ZNF831: variants seen among roughly 807,000 people sequenced by gnomAD.
ZNF831 encodes the protein chromosome 20 open reading frame 174.
ZNF831 carries 59 observed loss-of-function variants against 95.8 expected under a neutral mutation model. The observed-to-expected ratio is 0.62, with a 90% CI of 0.50 to 0.77. The LOEUF (loss-of-function observed/expected upper bound fraction) is 0.77, where lower values mean the gene tolerates loss of function less well. Among genes scored for constraint, ZNF831 ranks in the 30% least tolerant of loss-of-function variants. The pLI, the probability that ZNF831 is intolerant of heterozygous loss-of-function variation, is 0.00. For missense variants in ZNF831, 2,205 were observed against 2,164.0 expected (o/e 1.02, Z -0.38); for synonymous variants, 961 against 925.5 (o/e 1.04, Z -0.70).
intron 1 of ZNF831, among the ~76,000 whole-genome samples, chr20:59,135,858 C>G (rs1979494320): frequency 6.6e-6 from 1 of 152,070 alleles, no homozygotes; most frequent in African/African-American, 2.4e-5. Context: ...TTGCACCAAC[C>G]CAATACTTGG....
chr20:59,162,658 A>G (rs775947237), upstream of ZNF831, among the ~76,000 whole-genome samples: 3 of 152,002 alleles, frequency 2.0e-5, no homozygotes, highest in Non-Finnish European at 4.4e-5. Flanking sequence ...CTGTGTGTCT[A>G]TTTTTATACC....
intron 1 of ZNF831, among the ~76,000 whole-genome samples, chr20:59,137,610 G>T (rs959451554): frequency 2.0e-5 from 3 of 152,208 alleles, no homozygotes; most frequent in African/African-American, 7.2e-5. Flanking sequence ...TGGAATGGAA[G>T]TTGCAAAGCC....
In ZNF831 at chr20:59,170,022, C is replaced by T. The variant is rs538697376; in HGVS notation, c.-37+5815C>T. On this transcript the variant is annotated intron_variant, in intron 1 of 5. Transcript: ENST00000371030. ...TTCTCCTACCTTTATTATCTCCTTT[C>T]TTCCGCTTGCTCTGGATTTATTATG... Among the ~76,000 whole-genome samples, 16 of 152,162 alleles carry T rather than the reference C, an allele frequency of 1.1e-4. No homozygotes were observed. In the East Asian group the frequency reaches 2.9e-3, roughly 28 times the overall value.
rs761085904 is a variant in ZNF831, at chr20:59,207,007, G to C, written c.3978G>C (p.Glu1326Asp). 59 of 1,614,078 alleles carry C rather than the reference G, an allele frequency of 3.7e-5. No individual in the cohort carries two copies. The highest frequency in any genetic ancestry group is 4.8e-5 in the Non-Finnish European group (57 of 1,180,042). ...GAAGCCGCCACCCTCCCGCACTTGA[G>C]GGACTGAAGCCATGCAGGACCCCTG... ...RRRSRHPPAL[E>D]GLKPCRTPGQ... The change falls in exon 4 of 6, where the codon GAG becomes GAC. Residue 1326 changes from glutamate (E) to aspartate (D), a missense_variant. Transcript: ENST00000371030.
intron 1 of ZNF831, among the ~76,000 whole-genome samples, chr20:59,181,332 C>G (rs1054594306): frequency 1.3e-5 from 2 of 152,156 alleles, no homozygotes; most frequent in African/African-American, 4.8e-5. Flanking sequence ...TGCCTGTTCA[C>G]CCTGATGATA....
chr20:59,152,716 T>C (rs1980315982), intron 2 of ZNF831, among the ~76,000 whole-genome samples: 1 of 151,954 alleles, frequency 6.6e-6, no homozygotes, highest in African/African-American at 2.4e-5. Flanking sequence ...CAGTAGGGAA[T>C]GGAAAGAGCA....
intron 1 of ZNF831, among the ~76,000 whole-genome samples, chr20:59,165,932 A>G (rs1174100769): frequency 6.6e-6 from 1 of 151,922 alleles, no homozygotes; most frequent in Non-Finnish European, 1.5e-5. Context: ...TTGTATTTTT[A>G]GTAGAGAAGG....
In ZNF831 at chr20:59,192,644, T is replaced by C; in HGVS notation, c.1625T>C (p.Leu542Pro). Reference sequence around the variant, plus strand: ...AGCCCCAGGCCCGGCCCAGCCCGCCTGGGCTGCCGCTCGGGACTAAGCTCG... The same window carrying C: ...AGCCCCAGGCCCGGCCCAGCCCGCCCGGGCTGCCGCTCGGGACTAAGCTCG... The part of the protein sequence containing the change: ...PLSPRPGPAR[L>P]GCRSGLSSTD... Residue 542 changes from leucine (L) to proline (P), a missense_variant, in exon 2 of 6, where the codon CTG (leucine) becomes CCG (proline). Physicochemically the swap from Leu to Pro is moderately conservative, Grantham distance 98. Coordinates refer to ENST00000371030, the MANE Select transcript of ZNF831 (RefSeq NM_178457.3). This position sits in a 1 kb window ranked among gnomAD's most constrained non-coding sequence, Gnocchi z 5.2. The C allele has an allele frequency of 6.6e-7, 1 of 1,505,422 alleles. No homozygotes were observed. The highest frequency in any genetic ancestry group is 8.9e-7 in the Non-Finnish European group (1 of 1,129,336). 93.3% of individuals were successfully genotyped at this position (1,505,422 alleles called of 1,614,324 possible).
At chr20:59,131,499 T>C (rs1979351487) in intron 1 of ZNF831, among the ~76,000 whole-genome samples, 1 of 152,184 alleles carries the variant, frequency 6.6e-6, no homozygotes, top group African/African-American at 2.4e-5. Flanking sequence ...TACATGCCAG[T>C]GTGTCTGGCT....
At chr20:59,131,298 C>T (rs1026786573) in intron 1 of ZNF831, among the ~76,000 whole-genome samples, 5 of 152,188 alleles carry the variant, frequency 3.3e-5, no homozygotes, top group South Asian at 2.1e-4. Flanking sequence ...CTGATGTCCT[C>T]GGAGGACAGG....
intron 1 of ZNF831, among the ~76,000 whole-genome samples, chr20:59,173,511 A>G (rs1258612457): frequency 1.3e-5 from 2 of 152,226 alleles, no homozygotes; most frequent in African/African-American, 4.8e-5. Flanking sequence ...CCTTATGGTC[A>G]TCATTCCTGC....
intron 1 of ZNF831, 139 bp from the exon 2 acceptor site, chr20:59,190,845 C>T (rs950387141): frequency 1.2e-5 from 8 of 684,732 alleles, no homozygotes; most frequent in South Asian, 5.4e-5. Flanking sequence ...ACCTTCCTCT[C>T]GCTTGGGATG....
chr20:59,223,487 G>A (rs1471265250), intron 4 of ZNF831, among the ~76,000 whole-genome samples: 1 of 152,220 alleles, frequency 6.6e-6, no homozygotes. Context: ...GCCGGCAGCA[G>A]CCTCCCAGCA....
At position 59,193,140 on chromosome 20, in the gene ZNF831, C is replaced by T. The variant is rs2146577724; in HGVS notation, c.2121C>T (p.Pro707=). 2 of 1,578,550 alleles carry T rather than the reference C, an allele frequency of 1.3e-6. No homozygotes were observed. The highest frequency in any genetic ancestry group is 2.3e-5 in the South Asian group (2 of 87,232). ...PALEASLVTE[P]TKHGETVARR... ...TGGAGGCCTCCTTGGTGACTGAACC[C>T]ACTAAGCATGGGGAGACGGTGGCCA... The change falls in exon 2 of 6, where the codon CCC becomes CCT. Residue 707 remains proline, a synonymous_variant. Transcript: ENST00000371030.
In ZNF831 at chr20:59,193,977, C is replaced by A. The variant is rs1420230568; in HGVS notation, c.2958C>A (p.Thr986=). 3 of 1,537,234 alleles carry A rather than the reference C, an allele frequency of 2.0e-6. No individual in the cohort carries two copies. The highest frequency in any genetic ancestry group is 2.6e-6 in the Non-Finnish European group (3 of 1,143,410). ...RASFVGSGLG[T]PLSPSPASGP... ...CATTTGTTGGGTCAGGACTGGGGACCCCTCTTTCTCCCAGCCCAGCCTCAG... is the reference window on the plus strand; with the variant it reads ...CATTTGTTGGGTCAGGACTGGGGACACCTCTTTCTCCCAGCCCAGCCTCAG... Residue 986 remains threonine (T), a synonymous_variant, in exon 2 of 6, where the codon ACC becomes ACA. Transcript: ENST00000371030.
rs974624827 is a variant in ZNF831, at chr20:59,191,940, G to A, written c.921G>A (p.Pro307=). The A allele has an allele frequency of 1.2e-6, 2 of 1,609,422 alleles. No homozygotes were observed. Among genetic ancestry groups the A allele is most frequent in the South Asian group, 1.1e-5 (1 of 90,962 alleles). The change falls in exon 2 of 6, where the codon CCG becomes CCA. Residue 307 remains proline, a synonymous_variant. Coordinates refer to ENST00000371030, the MANE Select transcript of ZNF831 (RefSeq NM_178457.3). ...GTAAGTTGCCAGAGCAGAAGTCGCCGACCGCCGGGAAGCCGTGCGCCCTGC... is the reference window on the plus strand; with the variant it reads ...GTAAGTTGCCAGAGCAGAAGTCGCCAACCGCCGGGAAGCCGTGCGCCCTGC... ...PWRKLPEQKS[P]TAGKPCALQR...
At chr20:59,150,974 A>G (rs171839) in intron 2 of ZNF831, among the ~76,000 whole-genome samples, 31,732 of 152,080 alleles carry the variant, frequency 0.21, 4,306 homozygotes, top group African/African-American at 0.4. Flanking sequence ...CAAATTATAT[A>G]CAAATACACT....
At chr20:59,181,900 A>G (rs1406945223) in intron 1 of ZNF831, among the ~76,000 whole-genome samples, 1 of 152,096 alleles carries the variant, frequency 6.6e-6, no homozygotes, top group African/African-American at 2.4e-5. Context: ...TTCCATGAGC[A>G]TGGAATGTTT....
chr20:59,227,328 T>G (rs1056820681), intron 4 of ZNF831, among the ~76,000 whole-genome samples: 13 of 152,184 alleles, frequency 8.5e-5, no homozygotes, highest in Non-Finnish European at 1.6e-4. Flanking sequence ...CTGAGATAAA[T>G]TTTGGAGGAA....
Sources: gnomAD v4.1 joint callset for allele counts (sites outside exome capture counted in the v4.1 genomes callset) on GRCh38, gnomAD v4.1.1 for gene constraint, Gnocchi (gnomAD v3.1) non-coding constraint, MANE v1.5 for transcripts, NCBI Gene and HGNC (gene_info 2026-07-23, HGNC 2026-07-21) for gene names.